The following SLCO4C1 variants were observed in gnomAD, a reference collection of about 807,000 sequenced individuals.
The protein encoded by SLCO4C1 is organic anion transporter M1.
SLCO4C1 carries 58 observed loss-of-function variants against 72.1 expected under a neutral mutation model. The observed-to-expected ratio is 0.80, with a 90% CI of 0.65 to 1.00. The LOEUF (loss-of-function observed/expected upper bound fraction) is 1.00. SLCO4C1 is among the 50% of genes least tolerant of loss of function. SLCO4C1 has a pLI of 0.00. For synonymous variants in SLCO4C1, 297 were observed against 312.5 expected (o/e 0.95, Z 0.52); for missense variants, 898 against 857.9 (o/e 1.05, Z -0.58).
At chr5:102,263,062 A>T (rs1361759821) in intron 4 of SLCO4C1, among the ~76,000 whole-genome samples, 1 of 152,220 alleles carries the variant, frequency 6.6e-6, no homozygotes, top group Non-Finnish European at 1.5e-5. Context: ...TTGGAGTCAA[A>T]GAGATCTACT....
intron 10 of SLCO4C1, among the ~76,000 whole-genome samples, chr5:102,246,184 A>AG (rs1348754924): frequency 1.3e-5 from 2 of 152,148 alleles, no homozygotes; most frequent in African/African-American, 4.8e-5. Flanking sequence ...TGATCTGAGG[A>AG]GAAATGAATG....
intron 10 of SLCO4C1, among the ~76,000 whole-genome samples, chr5:102,246,343 C>G (rs991864391): frequency 1.3e-5 from 2 of 151,994 alleles, no homozygotes; most frequent in African/African-American, 4.8e-5. Flanking sequence ...TGTAGAAATT[C>G]AAAGGATCAT....
At position 102,236,884 on chromosome 5, in the gene SLCO4C1, G is replaced by C. The variant is rs1449702002; in HGVS notation, c.2149C>G (p.Leu717Val). ...VVTNVLAEQD[L>V]NKIVKEG ...CACCCTTCTTTTACTATTTTGTTGA[G>C]ATCCTGTTCTGCTAAAACATTAGTC... Residue 717 changes from leucine to valine, a missense_variant, in exon 13 of 13, where the codon CTC (leucine) becomes GTC (valine). Transcript: ENST00000310954. 6.2e-7 allele frequency: 1 copy of C among 1,612,004 alleles called. No homozygotes were observed. The highest frequency in any genetic ancestry group is 8.5e-7 in the Non-Finnish European group (1 of 1,179,502).
intron 1 of SLCO4C1, among the ~76,000 whole-genome samples, 192 bp from the exon 2 acceptor site, chr5:102,291,798 T>C (rs1749557856): frequency 6.6e-6 from 1 of 151,964 alleles, no homozygotes; most frequent in Non-Finnish European, 1.5e-5. Context: ...TTTATTTTTG[T>C]TTATTTATTT....
chr5:102,242,098 G>A lies in SLCO4C1; in HGVS notation c.1812-1316C>T, dbSNP rs555618925. On this transcript the variant is annotated intron_variant, in intron 10 of 12. Transcript: ENST00000310954. The stretch of plus-strand genomic sequence containing the variant: ...ACTGCTGTCCTGTTAGAGCAGAAAG[G>A]AAAACCAGACCAACTTACCTGACAC... Among the ~76,000 whole-genome samples, 164 of 152,262 alleles carry A rather than the reference G, an allele frequency of 1.1e-3. 1 individual carries two copies. Among genetic ancestry groups the A allele is most frequent in the Middle Eastern group, 6.8e-3 (2 of 294 alleles).
intron 3 of SLCO4C1, among the ~76,000 whole-genome samples, chr5:102,268,097 T>C (rs1389792704): frequency 1.3e-5 from 2 of 152,238 alleles, no homozygotes; most frequent in Non-Finnish European, 2.9e-5. Flanking sequence ...ATATACCTGT[T>C]AGGTCAATTT....
At chr5:102,255,791 TTA>T (rs921969316) in intron 8 of SLCO4C1, among the ~76,000 whole-genome samples, 51 of 125,440 alleles carry the variant, frequency 4.1e-4, no homozygotes, top group African/African-American at 1.5e-3. Flanking sequence ...GCAATTTTTT[TTA>T]ATCTCCCATT....
intron 8 of SLCO4C1, 133 bp from the exon 9 acceptor site, chr5:102,249,921 G>A (rs567391848): frequency 2.3e-5 from 20 of 872,992 alleles, no homozygotes; most frequent in Middle Eastern, 3.1e-4. Context: ...CAAATAAAAC[G>A]TCTTCCTTTG....
intron 2 of SLCO4C1, among the ~76,000 whole-genome samples, chr5:102,287,357 T>C (rs1010750335): frequency 1.3e-5 from 2 of 152,038 alleles, no homozygotes; most frequent in African/African-American, 4.8e-5. Flanking sequence ...TCATAAAAAA[T>C]ATTAAAATCA....
In SLCO4C1 at chr5:102,247,296, A is replaced by C; in HGVS notation, c.1767T>G (p.Ile589Met). The C allele has an allele frequency of 6.3e-7, 1 of 1,583,356 alleles. No individual in the cohort carries two copies. Among genetic ancestry groups the C allele is most frequent in the Non-Finnish European group, 8.6e-7 (1 of 1,158,108 alleles). The stretch of plus-strand genomic sequence containing the variant: ...TAGGAGTACCGGCCATAAAGGTAAA[A>C]ATAATTACAATAAAGAAAATGCAAA... ...IFLCIFFIVIIFTFMAGTPIT... is the reference protein window; with the variant it reads ...IFLCIFFIVIMFTFMAGTPIT... Residue 589 changes from isoleucine (I) to methionine (M), a missense_variant, in exon 10 of 13, where the codon ATT becomes ATG. Transcript: ENST00000310954.
chr5:102,236,772 G>T lies in SLCO4C1; in HGVS notation c.*86C>A. 7.7e-7 allele frequency: 1 copy of T among 1,293,914 alleles called. No homozygotes were observed. The highest frequency in any genetic ancestry group is 1.1e-6 in the Non-Finnish European group (1 of 918,438). The allele number at this position is 1,293,914 out of a possible 1,614,324, so 80.2% of individuals were successfully genotyped here. On this transcript the variant is annotated 3_prime_UTR_variant, in exon 13 of 13. Coordinates refer to ENST00000310954, the MANE Select transcript of SLCO4C1 (RefSeq NM_180991.5). Reference sequence around the variant, plus strand: ...TTTTGTAAATATGATTGTCCATATTGGATAGATAATCCTGCCATGGCAATG... The same window carrying T: ...TTTTGTAAATATGATTGTCCATATTTGATAGATAATCCTGCCATGGCAATG...
In SLCO4C1 at chr5:102,260,332, TATATATATATATATA is replaced by T; in HGVS notation, c.1022-28_1022-14del. On this transcript the variant is annotated splice_polypyrimidine_tract_variant and intron_variant, in intron 5 of 12. Coordinates refer to ENST00000310954, the MANE Select transcript of SLCO4C1 (RefSeq NM_180991.5). ...ATTTCTGCTGTACCTAAAAAAAAAA[TATATATATATATATA>T]ATATATATATTATACATATAATATA... 1.2e-4 allele frequency: 2 copies of T among 17,124 alleles called. No individual in the cohort carries two copies. Among genetic ancestry groups the T allele is most frequent in the Non-Finnish European group, 1.7e-4 (2 of 11,638 alleles). The allele number at this position is 17,124 out of a possible 1,614,324, so 1.1% of individuals were successfully genotyped here. A position where few individuals can be genotyped will look rare whatever the true frequency, so the allele number is the denominator to read the frequency against.
chr5:102,284,827 A>C (rs1263447126), intron 2 of SLCO4C1, among the ~76,000 whole-genome samples: 1 of 152,114 alleles, frequency 6.6e-6, no homozygotes, highest in Non-Finnish European at 1.5e-5. Flanking sequence ...TTTGTGCTAA[A>C]ATTTCATTGA....
chr5:102,265,803 AGTTCC>A (rs1749027059), intron 3 of SLCO4C1, among the ~76,000 whole-genome samples: 2 of 152,074 alleles, frequency 1.3e-5, no homozygotes, highest in African/African-American at 4.8e-5. Context: ...CATCTTTTCT[AGTTCC>A]GTATGAATTT....
chr5:102,266,591 A>G (rs1749044497), intron 3 of SLCO4C1, among the ~76,000 whole-genome samples: 1 of 152,182 alleles, frequency 6.6e-6, no homozygotes, highest in Admixed American at 6.5e-5. Flanking sequence ...CAGAGGTTGC[A>G]ATGAGCAGAG....
chr5:102,239,144 TG>T lies in SLCO4C1; in HGVS notation c.2014+106del. 3 of 1,002,052 alleles carry T rather than the reference TG, an allele frequency of 3.0e-6. No homozygotes were observed. In the South Asian group the frequency reaches 6.7e-5, roughly 22 times the overall value. The allele number at this position is 1,002,052 out of a possible 1,614,324, so 62.1% of individuals were successfully genotyped here. The stretch of plus-strand genomic sequence containing the variant: ...AAGACTACTGGATGGTTCAACAATG[TG>T]GACTGAACATTTCAAAATACCTGTG... On this transcript the variant is annotated intron_variant, in intron 12 of 12. Transcript: ENST00000310954.
intron 5 of SLCO4C1, among the ~76,000 whole-genome samples, chr5:102,260,929 G>T (rs452857): frequency 0.78 from 119,349 of 152,060 alleles, 47,276 homozygotes; most frequent in African/African-American, 0.9. Context: ...CTGTCAGATT[G>T]TCTCTTGCCC....
chr5:102,275,999 C>T (rs1043904374), intron 2 of SLCO4C1, among the ~76,000 whole-genome samples: 2 of 152,136 alleles, frequency 1.3e-5, no homozygotes, highest in African/African-American at 2.4e-5. Flanking sequence ...CAGTGGCACA[C>T]AGCCACTCCA....
Position 102,263,718 on chromosome 5 carries a change from G to A in SLCO4C1, c.865C>T (p.Leu289=), listed in dbSNP as rs1194710766. 1 of 1,612,786 alleles carries A rather than the reference G, an allele frequency of 6.2e-7. No individual in the cohort carries two copies. The highest frequency in any genetic ancestry group is 8.5e-7 in the Non-Finnish European group (1 of 1,179,238). The part of the protein sequence containing the change: ...AIGYVLGGQL[L]TIYIDVAMGE... ...ATAGCAACATCAATGTATATGGTTA[G>A]CAGTTGTCCTCCCAATACATAGCCA... The change falls in exon 4 of 13, where the codon CTA becomes TTA. Residue 289 remains leucine (L), a synonymous_variant. Transcript: ENST00000310954.
Sources: gnomAD v4.1 joint callset for allele counts (sites outside exome capture counted in the v4.1 genomes callset) on GRCh38, gnomAD v4.1.1 for gene constraint, MANE v1.5 for transcripts, NCBI Gene and HGNC (gene_info 2026-07-23, HGNC 2026-07-21) for gene names.